The following SLC45A4 variants were observed in gnomAD, a reference collection of about 807,000 sequenced individuals.
The protein encoded by SLC45A4 is solute carrier family 45 member 4.
In SLC45A4, 32 loss-of-function variants were observed where a neutral mutation model predicts 63.7. The ratio of observed to expected loss-of-function variants is 0.50; its 90% CI spans 0.38 to 0.67. SLC45A4 has a LOEUF of 0.67. SLC45A4 is among the 30% of genes least tolerant of loss of function. The pLI is 0.00. For missense variants in SLC45A4, 1,027 were observed against 1,157.7 expected (o/e 0.89, Z 1.64); for synonymous variants, 535 against 510.0 (o/e 1.05, Z -0.66).
intron 2 of SLC45A4, among the ~76,000 whole-genome samples, chr8:141,231,536 G>A (rs966010452): frequency 1.3e-5 from 2 of 152,262 alleles, no homozygotes; most frequent in Non-Finnish European, 2.9e-5. Flanking sequence ...CGGATGCCAC[G>A]TGGGGGAGCA....
chr8:141,239,767 A>AGGGCT lies in SLC45A4; in HGVS notation c.241+14217_241+14221dup, dbSNP rs576105602. Among the ~76,000 whole-genome samples the AGGGCT allele has an allele frequency of 5.3e-5, 8 of 152,332 alleles. No individual in the cohort carries two copies. In the East Asian group the frequency reaches 1.5e-3, roughly 29 times the overall value. ...GAGACAACACGCTGAGTTCCTAAGA[A>AGGGCT]GGGCTGGGCTCATGAGACTGGGCTC... On this transcript the variant is annotated intron_variant, in intron 2 of 8. Transcript: ENST00000517878.
At position 141,292,178 on chromosome 8, in the gene SLC45A4, C is replaced by T. The variant is rs148438963; in HGVS notation, c.-401+15918G>A. 3.8e-3 allele frequency among the ~76,000 whole-genome samples: 574 copies of T among 152,394 alleles called. 4 individuals carry two copies. The highest frequency in any genetic ancestry group is 0.013 in the African/African-American group (534 of 41,604). ...CAGACAAGCGGGTGTCCATGCACAA[C>T]CTGGGGCAGGTTCTCACAGGAGAAA... On this transcript the variant is annotated intron_variant, in intron 1 of 8. Coordinates refer to ENST00000517878, the MANE Select transcript of SLC45A4 (RefSeq NM_001286646.2).
chr8:141,221,658 C>CCCAG lies in SLC45A4; in HGVS notation c.345_348dup (p.Gly117LeufsTer24). The CCCAG allele has an allele frequency of 6.2e-7, 1 of 1,614,062 alleles. No individual in the cohort carries two copies. ...GCGAGGATGAAGGGCCGCCGGCGGC[C>CCCAG]CCAGCTCAGGGTGCACCGGTCACTC... On this transcript the variant is annotated frameshift_variant, in exon 3 of 9. Coordinates refer to ENST00000517878, the MANE Select transcript of SLC45A4 (RefSeq NM_001286646.2). LOFTEE classifies it high-confidence loss of function.
intron 4 of SLC45A4, 39 bp downstream of exon 4, chr8:141,219,611 T>A: frequency 1.3e-6 from 2 of 1,571,444 alleles, no homozygotes; most frequent in Non-Finnish European, 1.7e-6. Context: ...CCCGGGCACG[T>A]TGGAACCCGG....
rs913307266 is a variant in SLC45A4, at chr8:141,231,137, C to T, written c.242-9372G>A. Among the ~76,000 whole-genome samples the T allele has an allele frequency of 5.9e-5, 9 of 152,176 alleles. No individual in the cohort carries two copies. In the East Asian group the frequency reaches 1.7e-3, roughly 29 times the overall value. ...TCACGTTTCTAGGGCTTAAGGTCAC[C>T]CCGGAAGAGAAAGGACCTGGCAGGT... is the stretch of plus-strand genomic sequence containing the variant. On this transcript the variant is annotated intron_variant, in intron 2 of 8. Coordinates refer to ENST00000517878, the MANE Select transcript of SLC45A4 (RefSeq NM_001286646.2).
At chr8:141,298,905 G>C (rs1034263223) in intron 1 of SLC45A4, among the ~76,000 whole-genome samples, 3 of 152,106 alleles carry the variant, frequency 2.0e-5, no homozygotes, top group African/African-American at 7.2e-5. Flanking sequence ...CTTTTCAGTG[G>C]GGGGTGGGGG....
intron 2 of SLC45A4, among the ~76,000 whole-genome samples, chr8:141,239,266 C>T (rs991258697): frequency 1.3e-5 from 2 of 152,190 alleles, no homozygotes; most frequent in Admixed American, 1.3e-4. Flanking sequence ...AAACCAAGAG[C>T]GTGCTATCCA....
chr8:141,302,649 A>G (rs150767970), intron 1 of SLC45A4, among the ~76,000 whole-genome samples: 1 of 152,358 alleles, frequency 6.6e-6, no homozygotes, highest in African/African-American at 2.4e-5. Flanking sequence ...ATTTTACAGA[A>G]CACATAAGCA....
intron 2 of SLC45A4, among the ~76,000 whole-genome samples, chr8:141,243,202 A>G (rs1828001662): frequency 2.0e-5 from 3 of 152,136 alleles, no homozygotes; most frequent in Admixed American, 2.0e-4. Context: ...GTGTCCCAAG[A>G]CACTGCATGT....
chr8:141,300,969 G>A (rs1200504746), intron 1 of SLC45A4, among the ~76,000 whole-genome samples: 3 of 152,206 alleles, frequency 2.0e-5, no homozygotes, highest in Admixed American at 6.5e-5. Flanking sequence ...CACAGCAAGC[G>A]CCCCGTGCAA....
chr8:141,248,354 G>C (rs1445565138), intron 2 of SLC45A4, among the ~76,000 whole-genome samples: 3 of 152,176 alleles, frequency 2.0e-5, no homozygotes, highest in African/African-American at 7.2e-5. Flanking sequence ...GATCACTTGA[G>C]CCCTGGAGTT....
intron 1 of SLC45A4, among the ~76,000 whole-genome samples, chr8:141,281,482 A>G (rs1829943638): frequency 6.6e-6 from 1 of 152,280 alleles, no homozygotes. Context: ...TGCCTGTCAC[A>G]GCAGGCTCTC....
rs1563684706 is a variant in SLC45A4 at position 141,300,065 on chromosome 8, TGAC to T, written c.-401+8028_-401+8030del. Among the ~76,000 whole-genome samples the T allele has an allele frequency of 5.9e-5, 9 of 152,298 alleles. No homozygotes were observed. In the South Asian group the frequency reaches 1.9e-3, roughly 32 times the overall value. ...GAATGAAGGCACTGGCCCCATGATC[TGAC>T]GACATCATCGCCTCCCCAAATAGCT... is the stretch of plus-strand genomic sequence containing the variant. On this transcript the variant is annotated intron_variant, in intron 1 of 8. Coordinates refer to ENST00000517878, the MANE Select transcript of SLC45A4 (RefSeq NM_001286646.2).
intron 1 of SLC45A4, among the ~76,000 whole-genome samples, chr8:141,266,304 G>A (rs984522684): frequency 2.0e-5 from 3 of 152,174 alleles, no homozygotes; most frequent in East Asian, 1.9e-4. Context: ...GCTTGTGGGC[G>A]GCACATGCTG....
Position 141,254,254 on chromosome 8 carries a change from T to G in SLC45A4, c.-25A>C. ...TTACCACCAAAAATATATGTATTTA[T>G]CTATATATTCTATCTATATAAATAA... On this transcript the variant is annotated 5_prime_UTR_variant, in exon 2 of 9. Transcript: ENST00000517878. This position sits in a 1 kb window ranked among gnomAD's most constrained non-coding sequence, Gnocchi z 4.5. The G allele has an allele frequency of 6.7e-7, 1 of 1,493,578 alleles. No homozygotes were observed. Among genetic ancestry groups the G allele is most frequent in the Non-Finnish European group, 8.9e-7 (1 of 1,124,892 alleles). The allele number at this position is 1,493,578 out of a possible 1,614,324, so 92.5% of individuals were successfully genotyped here.
chr8:141,280,879 G>T (rs1829911243), intron 1 of SLC45A4, among the ~76,000 whole-genome samples: 1 of 152,220 alleles, frequency 6.6e-6, no homozygotes, highest in African/African-American at 2.4e-5. Context: ...TTCTCCCAGG[G>T]GAGGGAAAGG....
At chr8:141,242,619 G>A (rs1236191250) in intron 2 of SLC45A4, among the ~76,000 whole-genome samples, 4 of 152,146 alleles carry the variant, frequency 2.6e-5, no homozygotes, top group South Asian at 2.1e-4. Flanking sequence ...GTGGTACATC[G>A]GTGAGTGCCC....
At position 141,247,234 on chromosome 8, in the gene SLC45A4, A is replaced by G. The variant is rs77408793; in HGVS notation, c.241+6755T>C. On this transcript the variant is annotated intron_variant, in intron 2 of 8. Coordinates refer to ENST00000517878, the MANE Select transcript of SLC45A4 (RefSeq NM_001286646.2). Reference sequence around the variant, plus strand: ...AGTGAGTTTGGCAAAATTGCAAGGTATAAGGTCAATATATAAAAATCACTT... The same window carrying G: ...AGTGAGTTTGGCAAAATTGCAAGGTGTAAGGTCAATATATAAAAATCACTT... 6.2e-3 allele frequency among the ~76,000 whole-genome samples: 610 copies of G among 98,608 alleles called. 2 individuals are homozygous for G. Among genetic ancestry groups the G allele is most frequent in the African/African-American group, 0.014 (480 of 35,384 alleles). The allele number at this position is 98,608 out of a possible 152,430, so 64.7% of individuals were successfully genotyped here. A position where few individuals can be genotyped will look rare whatever the true frequency, so the allele number is the denominator to read the frequency against.
intron 6 of SLC45A4, among the ~76,000 whole-genome samples, chr8:141,216,364 A>C (rs571798304): frequency 6.6e-6 from 1 of 152,258 alleles, no homozygotes; most frequent in Non-Finnish European, 1.5e-5. Flanking sequence ...TCGGGAACAC[A>C]CATTTTTGCT....
Sources: gnomAD v4.1 joint callset for allele counts (sites outside exome capture counted in the v4.1 genomes callset) on GRCh38, gnomAD v4.1.1 for gene constraint, Gnocchi (gnomAD v3.1) non-coding constraint, MANE v1.5 for transcripts, NCBI Gene and HGNC (gene_info 2026-07-23, HGNC 2026-07-21) for gene names.